CSTPP1: variants seen among roughly 807,000 people sequenced by gnomAD.
CSTPP1 encodes centriolar satellite-associated tubulin polyglutamylase complex regulator 1, also known as UPF0705 protein C11orf49.
chr11:46,977,769 G>A, the CSTPP1 span, among the ~76,000 whole-genome samples: 1 of 152,186 alleles, frequency 6.6e-6, no homozygotes, highest in Non-Finnish European at 1.5e-5. Flanking sequence ...ATGACAAGTA[G>A]CCCCCAAATT....
At chr11:47,161,678 TC>T in the CSTPP1 span, 1 of 1,563,308 alleles carries the variant, frequency 6.4e-7, no homozygotes. Context: ...CTGTACCTGC[TC>T]CCACCCAGCC....
At chr11:46,974,680 A>AAAAAC in the CSTPP1 span, among the ~76,000 whole-genome samples, 8 of 151,600 alleles carry the variant, frequency 5.3e-5, no homozygotes, top group Non-Finnish European at 1.5e-5. Flanking sequence ...ATCTATACCA[A>AAAAAC]AAAACAAAAC....
At chr11:47,003,416 T>C in the CSTPP1 span, among the ~76,000 whole-genome samples, 1 of 152,184 alleles carries the variant, frequency 6.6e-6, no homozygotes, top group African/African-American at 2.4e-5. Flanking sequence ...AAGGTTCTTC[T>C]TCCCTGAGAA....
the CSTPP1 span, chr11:47,052,088 GA>G: frequency 5.1e-6 from 1 of 196,684 alleles, no homozygotes; most frequent in African/African-American, 2.3e-5. Flanking sequence ...CATCCAGTTA[GA>G]GGCTAAAAGG....
the CSTPP1 span, among the ~76,000 whole-genome samples, chr11:47,055,909 G>A: frequency 6.6e-6 from 1 of 152,208 alleles, no homozygotes; most frequent in Non-Finnish European, 1.5e-5. Context: ...AAGTAATTCA[G>A]AAAAACTATT....
chr11:46,957,945 T>A, the CSTPP1 span, among the ~76,000 whole-genome samples: 8 of 152,304 alleles, frequency 5.3e-5, no homozygotes, highest in African/African-American at 1.9e-4. Flanking sequence ...TATATAGATA[T>A]ACAGCTGACC....
At chr11:46,954,667 T>C in the CSTPP1 span, among the ~76,000 whole-genome samples, 15 of 152,178 alleles carry the variant, frequency 9.9e-5, no homozygotes, top group African/African-American at 3.4e-4. Flanking sequence ...TTAAAGTTTT[T>C]GATGTTTATG....
At chr11:46,947,810 C>T in the CSTPP1 span, among the ~76,000 whole-genome samples, 1 of 152,168 alleles carries the variant, frequency 6.6e-6, no homozygotes, top group Non-Finnish European at 1.5e-5. Flanking sequence ...GCTTGTGCCC[C>T]AGGACTTCAG....
chr11:47,079,330 A>T, the CSTPP1 span, among the ~76,000 whole-genome samples: 2 of 152,210 alleles, frequency 1.3e-5, no homozygotes, highest in African/African-American at 4.8e-5. Context: ...TCATTGTGGG[A>T]TTAGAATATA....
chr11:46,960,463 T>C, the CSTPP1 span, among the ~76,000 whole-genome samples: 1 of 152,216 alleles, frequency 6.6e-6, no homozygotes, highest in Non-Finnish European at 1.5e-5. Flanking sequence ...AATTTTTGTC[T>C]CTATGAATTT....
At chr11:47,014,069 C>T in the CSTPP1 span, among the ~76,000 whole-genome samples, 4 of 152,004 alleles carry the variant, frequency 2.6e-5, no homozygotes, top group Non-Finnish European at 5.9e-5. Context: ...ATTAGCCATG[C>T]ATGGCAGTGC....
chr11:46,936,745 G>T, the CSTPP1 span: 3 of 1,600,364 alleles, frequency 1.9e-6, no homozygotes, highest in Non-Finnish European at 2.6e-6. Flanking sequence ...AACGGAGAGA[G>T]ACGGCAACCT....
the CSTPP1 span, among the ~76,000 whole-genome samples, chr11:47,117,815 G>A: frequency 2.0e-5 from 3 of 151,974 alleles, no homozygotes; most frequent in East Asian, 1.9e-4. Flanking sequence ...ATTTCTTGGA[G>A]GCTTAGTTCA....
chr11:47,162,779 T>C, the CSTPP1 span, among the ~76,000 whole-genome samples: 15 of 152,010 alleles, frequency 9.9e-5, no homozygotes, highest in Non-Finnish European at 1.6e-4. Flanking sequence ...ATGTCACCAC[T>C]ACTAGGCATA....
chr11:46,987,407 G>A, the CSTPP1 span: 1 of 1,012,830 alleles, frequency 9.9e-7, no homozygotes, highest in South Asian at 1.3e-5. Context: ...ATGCTGATTA[G>A]GTAGTGGCAG....
the CSTPP1 span, among the ~76,000 whole-genome samples, chr11:47,111,863 A>G: frequency 6.6e-6 from 1 of 152,190 alleles, no homozygotes; most frequent in African/African-American, 2.4e-5. Context: ...AATGTTTTCT[A>G]TGTACGATTT....
the CSTPP1 span, among the ~76,000 whole-genome samples, chr11:46,990,787 T>A: frequency 6.6e-6 from 1 of 152,204 alleles, no homozygotes; most frequent in Non-Finnish European, 1.5e-5. Context: ...CTTTAATCTA[T>A]CTTGAATTAA....
the CSTPP1 span, among the ~76,000 whole-genome samples, chr11:47,063,329 A>G: frequency 6.6e-6 from 1 of 152,186 alleles, no homozygotes; most frequent in Admixed American, 6.5e-5. Flanking sequence ...AATAAAACCT[A>G]TATAACAAAA....
chr11:46,942,609 C>T, the CSTPP1 span, among the ~76,000 whole-genome samples: 21,792 of 151,962 alleles, frequency 0.14, 5,213 homozygotes, highest in African/African-American at 0.5. Context: ...CCTTTGGGGA[C>T]TAGACATTTA....
Sources: allele counts gnomAD v4.1 joint callset (sites outside exome capture counted in the v4.1 genomes callset), GRCh38; gene constraint gnomAD v4.1.1; transcripts MANE v1.5; gene names NCBI Gene and HGNC (gene_info 2026-07-23, HGNC 2026-07-21).